NCKAP1: variants seen among roughly 807,000 people sequenced by gnomAD.
NCKAP1 encodes NCK associated protein 1.
Under a neutral mutation model 151.2 loss-of-function variants are expected in NCKAP1, and 21 were observed. That is an observed-to-expected ratio of 0.14 (90% CI 0.10 to 0.20). The LOEUF (loss-of-function observed/expected upper bound fraction) is 0.20. Among genes scored for constraint, NCKAP1 ranks in the 10% least tolerant of loss-of-function variants. The pLI is 1.00. For missense variants in NCKAP1, 933 were observed against 1,352.1 expected, an observed-to-expected ratio of 0.69 and a Z score of 4.86; for synonymous variants, 484 against 451.8, an observed-to-expected ratio of 1.07 and a Z score of -0.90.
rs1056627710 is a variant in NCKAP1 at position 182,921,474 on chromosome 2, C to T, written c.*4228G>A. 6.6e-6 allele frequency: 1 copy of T among 152,220 alleles called. No homozygotes were observed. The highest frequency in any genetic ancestry group is 1.5e-5 in the Non-Finnish European group (1 of 68,070). 9.4% of individuals were successfully genotyped at this position (152,220 alleles called of 1,614,324 possible). A position where few individuals can be genotyped will look rare whatever the true frequency, so the allele number is the denominator to read the frequency against. On this transcript the variant is annotated 3_prime_UTR_variant, in exon 31 of 31. Transcript: ENST00000361354. ...CAAGGTCACATACCTAGTACAACCC[C>T]ATCTCCAGGCCACCCATTTACCAAG... is the stretch of plus-strand genomic sequence containing the variant.
chr2:182,952,743 A>G, intron 22 of NCKAP1, 50 bp downstream of exon 22: 3 of 1,500,084 alleles, frequency 2.0e-6, no homozygotes, highest in Non-Finnish European at 2.7e-6. Flanking sequence ...GACACTAGCA[A>G]AAGAATTAAG....
At chr2:182,946,414 A>T (rs77535239) in intron 23 of NCKAP1, among the ~76,000 whole-genome samples, 1 of 151,206 alleles carries the variant, frequency 6.6e-6, no homozygotes, top group Non-Finnish European at 1.5e-5. Flanking sequence ...AAAAAAAAGG[A>T]GCGACACACA....
chr2:182,951,083 C>G (rs1410234096), intron 23 of NCKAP1, among the ~76,000 whole-genome samples: 2 of 151,752 alleles, frequency 1.3e-5, no homozygotes, highest in African/African-American at 4.8e-5. Flanking sequence ...TCCCCCACCT[C>G]GGCCTCCCAA....
intron 1 of NCKAP1, 85 bp downstream of exon 1, chr2:183,037,907 G>GCCTTCCGCCCGCCGCCCTT: frequency 9.3e-7 from 1 of 1,070,478 alleles, no homozygotes; most frequent in Non-Finnish European, 1.3e-6. Flanking sequence ...GGCGCCTCCT[G>GCCTTCCGCCCGCCGCCCTT]CCGCCCCCAC....
At position 183,038,417 on chromosome 2, in the gene NCKAP1, T is replaced by TGGCGGCGGCGGCGGCGGCGGC; in HGVS notation, c.-339_-319dup. ...CCTTCCCCGGCTGCTCCACTAGGTG[T>TGGCGGCGGCGGCGGCGGCGGC]GGCGGCGGCGGCGGCGGCGGCGGCG... is the stretch of plus-strand genomic sequence containing the variant. On this transcript the variant is annotated 5_prime_UTR_variant, in exon 1 of 31. Coordinates refer to ENST00000361354, the MANE Select transcript of NCKAP1 (RefSeq NM_013436.5). 1 of 205,044 alleles carries TGGCGGCGGCGGCGGCGGCGGC rather than the reference T, an allele frequency of 4.9e-6. No homozygotes were observed. The highest frequency in any genetic ancestry group is 1.2e-4 in the East Asian group (1 of 8,480). The allele number at this position is 205,044 out of a possible 1,614,324, so 12.7% of individuals were successfully genotyped here.
chr2:182,932,499 T>C (rs77024950), intron 26 of NCKAP1, among the ~76,000 whole-genome samples: 8,244 of 152,176 alleles, frequency 0.054, 295 homozygotes, highest in Non-Finnish European at 0.08. Flanking sequence ...ACAAGGCTTC[T>C]TTTTGGGGAT....
intron 23 of NCKAP1, among the ~76,000 whole-genome samples, chr2:182,942,985 A>G (rs1697028582): frequency 6.6e-6 from 1 of 152,186 alleles, no homozygotes; most frequent in African/African-American, 2.4e-5. Flanking sequence ...TGCTTTCACC[A>G]CTAAGTTCAC....
chr2:182,946,403 A>G (rs1351239577), intron 23 of NCKAP1, among the ~76,000 whole-genome samples: 1 of 150,516 alleles, frequency 6.6e-6, no homozygotes, highest in Non-Finnish European at 1.5e-5. Context: ...TCTGTTTACA[A>G]AAAAAAAAGG....
At chr2:182,969,225 A>G (rs772702241) in intron 15 of NCKAP1, among the ~76,000 whole-genome samples, 4 of 152,234 alleles carry the variant, frequency 2.6e-5, no homozygotes, top group Non-Finnish European at 5.9e-5. Flanking sequence ...AAGTTCAACA[A>G]ATTCAAAAAA....
At chr2:182,960,630 T>C (rs1408865955) in intron 18 of NCKAP1, among the ~76,000 whole-genome samples, 1 of 152,190 alleles carries the variant, frequency 6.6e-6, no homozygotes, top group Admixed American at 6.5e-5. Flanking sequence ...ATAAAAACTC[T>C]AGAAGAAAAC....
chr2:183,038,330 T>G lies in NCKAP1; in HGVS notation c.-231A>C. 3.2e-6 allele frequency: 1 copy of G among 311,204 alleles called. No individual in the cohort carries two copies. Among genetic ancestry groups the G allele is most frequent in the Non-Finnish European group, 5.8e-6 (1 of 171,288 alleles). 19.3% of individuals were successfully genotyped at this position (311,204 alleles called of 1,614,324 possible). A position where few individuals can be genotyped will look rare whatever the true frequency, so the allele number is the denominator to read the frequency against. On this transcript the variant is annotated 5_prime_UTR_variant, in exon 1 of 31. Transcript: ENST00000361354. The stretch of plus-strand genomic sequence containing the variant: ...GCCCGCGCCCCGGCAGCCTCCTGCC[T>G]TCCGCCCGCCGCCCTTCCGCCCCCA...
chr2:182,991,429 G>C (rs980136559), intron 8 of NCKAP1, among the ~76,000 whole-genome samples: 1 of 152,018 alleles, frequency 6.6e-6, no homozygotes, highest in African/African-American at 2.4e-5. Context: ...CATGGTGGTG[G>C]GCACCTATAA....
chr2:183,031,809 A>G (rs1471302809), intron 1 of NCKAP1, among the ~76,000 whole-genome samples: 2 of 152,236 alleles, frequency 1.3e-5, no homozygotes, highest in Admixed American at 6.5e-5. Flanking sequence ...GTTAGAATCA[A>G]TAAGACTAGC....
chr2:182,962,934 T>C (rs1409034215), intron 17 of NCKAP1, among the ~76,000 whole-genome samples: 2 of 152,008 alleles, frequency 1.3e-5, no homozygotes. Context: ...AACTGGAATG[T>C]TGAGTATAAA....
intron 2 of NCKAP1, among the ~76,000 whole-genome samples, chr2:183,013,343 A>G (rs938599278): frequency 6.6e-6 from 1 of 152,110 alleles, no homozygotes; most frequent in South Asian, 2.1e-4. Flanking sequence ...CATTCACTGT[A>G]CTACTCCCAC....
chr2:182,949,567 T>A (rs1464524233), intron 23 of NCKAP1, among the ~76,000 whole-genome samples: 1 of 152,182 alleles, frequency 6.6e-6, no homozygotes, highest in African/African-American at 2.4e-5. Context: ...TTTAAGAGGC[T>A]GAGGTGGGTG....
At chr2:182,967,452 T>C in intron 15 of NCKAP1, 91 bp from the exon 16 acceptor site, 2 of 1,155,136 alleles carry the variant, frequency 1.7e-6, no homozygotes, top group South Asian at 1.4e-5. Flanking sequence ...CACTGAAAGA[T>C]ACTTAAACTA....
chr2:183,038,109 G>A lies in NCKAP1; in HGVS notation c.-10C>T. On this transcript the variant is annotated 5_prime_UTR_variant, in exon 1 of 31. Transcript: ENST00000361354. ...GCACTGAGCGCGACATGGTGGTGCT[G>A]GTGCCGCCGCCGCCGCCGGCCGCCT... The A allele has an allele frequency of 6.5e-7, 1 of 1,544,420 alleles. No individual in the cohort carries two copies. The highest frequency in any genetic ancestry group is 1.2e-5 in the South Asian group (1 of 85,108).
At chr2:182,926,489 G>C (rs1696651232) in intron 30 of NCKAP1, among the ~76,000 whole-genome samples, 1 of 151,996 alleles carries the variant, frequency 6.6e-6, no homozygotes, top group Non-Finnish European at 1.5e-5. Context: ...AATAGAGTTA[G>C]AATGTAGAAA....
Sources: gnomAD v4.1 joint callset for allele counts (sites outside exome capture counted in the v4.1 genomes callset) on GRCh38, gnomAD v4.1.1 for gene constraint, MANE v1.5 for transcripts, NCBI Gene and HGNC (gene_info 2026-07-23, HGNC 2026-07-21) for gene names.